BAZ2B: variants seen among roughly 807,000 people sequenced by gnomAD.
BAZ2B encodes bromodomain adjacent to zinc finger domain protein 2B.
A neutral mutation model predicts 246.0 loss-of-function variants in BAZ2B; 91 were observed. That is an observed-to-expected ratio of 0.37 (90% CI 0.31 to 0.44). The LOEUF (loss-of-function observed/expected upper bound fraction) is 0.44, where lower values mean the gene tolerates loss of function less well. BAZ2B is among the 20% of genes least tolerant of loss of function. The pLI, the probability that BAZ2B is intolerant of heterozygous loss-of-function variation, is 1.00. For synonymous variants in BAZ2B, 855 were observed against 860.0 expected, an observed-to-expected ratio of 0.99 and a Z score of 0.10; for missense variants, 2,332 against 2,533.7, an observed-to-expected ratio of 0.92 and a Z score of 1.71.
At chr2:159,570,128 T>C (rs1367711326) in intron 1 of BAZ2B, among the ~76,000 whole-genome samples, 1 of 152,180 alleles carries the variant, frequency 6.6e-6, no homozygotes, top group Non-Finnish European at 1.5e-5. Context: ...AGAATGTTCT[T>C]ACTTAGAAAC....
chr2:159,694,961 C>A, the BAZ2B span: 4 of 152,344 alleles, frequency 2.6e-5, no homozygotes, highest in African/African-American at 9.6e-5. Context: ...TACCAACTTT[C>A]TACATCCTCA....
the BAZ2B span, among the ~76,000 whole-genome samples, chr2:159,666,142 A>T: frequency 1.3e-5 from 2 of 151,650 alleles, no homozygotes; most frequent in African/African-American, 4.9e-5. Flanking sequence ...TATTTACAAT[A>T]TTGTTCCTCC....
At chr2:159,547,345 G>A (rs1001980096) in intron 2 of BAZ2B, among the ~76,000 whole-genome samples, 3 of 151,946 alleles carry the variant, frequency 2.0e-5, no homozygotes, top group African/African-American at 4.8e-5. Flanking sequence ...TTCATGACTC[G>A]CAAACTTTTG....
At chr2:159,406,910 A>G (rs1204685388) in intron 14 of BAZ2B, among the ~76,000 whole-genome samples, 1 of 151,516 alleles carries the variant, frequency 6.6e-6, no homozygotes, top group East Asian at 2.0e-4. Flanking sequence ...GCCCGCCACC[A>G]CGCCCAGCTA....
the BAZ2B span, among the ~76,000 whole-genome samples, chr2:159,662,107 G>T: frequency 6.6e-6 from 1 of 152,150 alleles, no homozygotes; most frequent in Non-Finnish European, 1.5e-5. Flanking sequence ...ATGTGGCCTT[G>T]TGTATTTGGT....
At chr2:159,654,836 C>T in the BAZ2B span, among the ~76,000 whole-genome samples, 1 of 151,982 alleles carries the variant, frequency 6.6e-6, no homozygotes, top group Non-Finnish European at 1.5e-5. Context: ...CATGGTGATG[C>T]ATGCCTGTAA....
intron 1 of BAZ2B, among the ~76,000 whole-genome samples, chr2:159,575,127 G>A (rs74552463): frequency 0.012 from 1,829 of 152,220 alleles, 43 homozygotes; most frequent in East Asian, 0.052. Flanking sequence ...AATGTCCAGC[G>A]TAGGCAAATC....
At chr2:159,498,070 C>T (rs2081341851) in intron 2 of BAZ2B, among the ~76,000 whole-genome samples, 1 of 152,150 alleles carries the variant, frequency 6.6e-6, no homozygotes, top group Non-Finnish European at 1.5e-5. Flanking sequence ...TTTATGAATA[C>T]ACTGTATTAT....
chr2:159,635,464 T>C, the BAZ2B span, among the ~76,000 whole-genome samples: 2 of 152,148 alleles, frequency 1.3e-5, no homozygotes, highest in African/African-American at 2.4e-5. Flanking sequence ...GATCACAGCT[T>C]TTTCGGAGCA....
chr2:159,702,935 G>C, the BAZ2B span, among the ~76,000 whole-genome samples: 2 of 151,810 alleles, frequency 1.3e-5, no homozygotes, highest in Non-Finnish European at 2.9e-5. Flanking sequence ...AGCTACTCGG[G>C]AGGGAGGCTG....
At chr2:159,595,124 C>G (rs1359321093) in intron 1 of BAZ2B, among the ~76,000 whole-genome samples, 1 of 145,522 alleles carries the variant, frequency 6.9e-6, no homozygotes, top group Non-Finnish European at 1.5e-5. Context: ...TTTTTTTAAA[C>G]GGAGTTTTGC....
intron 2 of BAZ2B, among the ~76,000 whole-genome samples, chr2:159,525,499 A>C (rs1283498543): frequency 6.6e-6 from 1 of 152,192 alleles, no homozygotes; most frequent in Non-Finnish European, 1.5e-5. Flanking sequence ...TATTTAAAAT[A>C]TCATATATAA....
chr2:159,453,246 A>G (rs887344695), intron 4 of BAZ2B, among the ~76,000 whole-genome samples: 1 of 152,214 alleles, frequency 6.6e-6, no homozygotes, highest in Non-Finnish European at 1.5e-5. Context: ...ACACTAAATA[A>G]TTTTTTAAAA....
At chr2:159,691,498 ACTGT>A in the BAZ2B span, among the ~76,000 whole-genome samples, 5 of 152,208 alleles carry the variant, frequency 3.3e-5, no homozygotes, top group African/African-American at 1.2e-4. Context: ...ACAGTACTGT[ACTGT>A]ATTTACTGAT....
At chr2:159,641,201 T>A in the BAZ2B span, among the ~76,000 whole-genome samples, 3 of 152,176 alleles carry the variant, frequency 2.0e-5, no homozygotes, top group Non-Finnish European at 4.4e-5. Context: ...GTAAAAGCAT[T>A]CCTTTTTCTC....
At chr2:159,609,677 T>G (rs1694288414) in intron 1 of BAZ2B, among the ~76,000 whole-genome samples, 1 of 152,146 alleles carries the variant, frequency 6.6e-6, no homozygotes, top group Non-Finnish European at 1.5e-5. Context: ...CCTTCAAAGC[T>G]TCTTCATTTT....
the BAZ2B span, among the ~76,000 whole-genome samples, chr2:159,701,388 A>G: frequency 6.6e-6 from 1 of 151,716 alleles, no homozygotes; most frequent in Non-Finnish European, 1.5e-5. Context: ...GTATTTCTTG[A>G]TTTTTAATAG....
chr2:159,673,288 G>C, the BAZ2B span, among the ~76,000 whole-genome samples: 9 of 152,144 alleles, frequency 5.9e-5, no homozygotes, highest in Middle Eastern at 3.2e-3. Context: ...TGAGGCAAAT[G>C]CAAATTAAAA....
chr2:159,700,734 C>T, the BAZ2B span, among the ~76,000 whole-genome samples: 2 of 152,326 alleles, frequency 1.3e-5, no homozygotes, highest in South Asian at 4.1e-4. Flanking sequence ...CGTGAGCCAC[C>T]TCGTCCTGCC....
Sources: gnomAD v4.1 joint callset for allele counts (sites outside exome capture counted in the v4.1 genomes callset) on GRCh38, gnomAD v4.1.1 for gene constraint, MANE v1.5 for transcripts, NCBI Gene and HGNC (gene_info 2026-07-23, HGNC 2026-07-21) for gene names.